Variants in NPSR1 observed in about 807,000 individuals in gnomAD.
NPSR1 encodes neuropeptide S receptor.
Under a neutral mutation model 46.9 loss-of-function variants are expected in NPSR1, and 48 were observed. The ratio of observed to expected loss-of-function variants is 1.02; its 90% CI spans 0.81 to 1.30. The LOEUF is 1.30. Among genes scored for constraint, NPSR1 ranks in the 50% most tolerant of loss-of-function variants. The pLI is 0.00. For missense variants in NPSR1, 450 were observed against 449.5 expected, an observed-to-expected ratio of 1.00 and a Z score of -0.01; for synonymous variants, 176 against 168.1, an observed-to-expected ratio of 1.05 and a Z score of -0.36.
chr7:34,703,339 C>T (rs1466422443), intron 2 of NPSR1, among the ~76,000 whole-genome samples: 2 of 152,104 alleles, frequency 1.3e-5, no homozygotes, highest in Non-Finnish European at 2.9e-5. Flanking sequence ...CCACTGCCCT[C>T]CAGCCTGGGT....
intron 2 of NPSR1, among the ~76,000 whole-genome samples, chr7:34,773,073 A>G (rs1178020109): frequency 6.6e-6 from 1 of 152,154 alleles, no homozygotes; most frequent in East Asian, 1.9e-4. Context: ...GAAGAAGTGC[A>G]AAGCCCGTTA....
intron 8 of NPSR1, among the ~76,000 whole-genome samples, chr7:34,872,066 A>C (rs530993291): frequency 4.6e-5 from 7 of 152,028 alleles, no homozygotes; most frequent in Non-Finnish European, 7.3e-5. Context: ...CCACCCTGCA[A>C]CAGGCTTCTG....
intron 8 of NPSR1, among the ~76,000 whole-genome samples, chr7:34,872,287 C>T (rs1015667522): frequency 4.6e-5 from 7 of 151,992 alleles, no homozygotes; most frequent in African/African-American, 1.7e-4. Context: ...TGTGGCAGCA[C>T]AGGGAAGCAA....
Position 34,658,308 on chromosome 7 carries a change from T to G in NPSR1, c.-105T>G, listed in dbSNP as rs1791277554. The G allele has an allele frequency of 5.4e-6, 7 of 1,301,882 alleles. No homozygotes were observed. Among genetic ancestry groups the G allele is most frequent in the Non-Finnish European group, 6.5e-6 (6 of 929,222 alleles). 80.6% of individuals were successfully genotyped at this position (1,301,882 alleles called of 1,614,324 possible). Reference sequence around the variant, plus strand: ...GTGGGCTCAGGGAGGGCTCTGTGCCTCCGTTCAGCAGAGCTGCAGCTGCTG... The same window carrying G: ...GTGGGCTCAGGGAGGGCTCTGTGCCGCCGTTCAGCAGAGCTGCAGCTGCTG... On this transcript the variant is annotated 5_prime_UTR_variant, in exon 1 of 9. Transcript: ENST00000360581.
Position 34,658,353 on chromosome 7 carries a change from G to C in NPSR1, c.-60G>C. On this transcript the variant is annotated 5_prime_UTR_variant, in exon 1 of 9. Transcript: ENST00000360581. ...CTGCTGCCCAGCTCTCAGGAGGCAA[G>C]CTGGACTCCCTCACTCAGCTGCAGG... is the stretch of plus-strand genomic sequence containing the variant. The C allele has an allele frequency of 6.3e-7, 1 of 1,594,362 alleles. No homozygotes were observed. The highest frequency in any genetic ancestry group is 8.6e-7 in the Non-Finnish European group (1 of 1,168,734).
intron 2 of NPSR1, among the ~76,000 whole-genome samples, chr7:34,733,208 T>A (rs1379206744): frequency 6.6e-6 from 1 of 152,012 alleles, no homozygotes; most frequent in Non-Finnish European, 1.5e-5. Flanking sequence ...GATCACGAGG[T>A]CAGGAGTTCA....
chr7:34,705,647 CATTT>C (rs1313528624), intron 2 of NPSR1, among the ~76,000 whole-genome samples: 12 of 151,436 alleles, frequency 7.9e-5, no homozygotes, highest in African/African-American at 2.7e-4. Context: ...TAAGTCTTTT[CATTT>C]ATTAGCTTTG....
At chr7:34,840,599 G>T (rs1384535290) in intron 6 of NPSR1, among the ~76,000 whole-genome samples, 2 of 152,208 alleles carry the variant, frequency 1.3e-5, no homozygotes, top group East Asian at 3.9e-4. Flanking sequence ...GAGAGGTGGA[G>T]CAGAAGAGCA....
exon 9 of NPSR1, chr7:34,878,273 A>G: frequency 1.4e-6 from 1 of 715,656 alleles, no homozygotes; most frequent in Non-Finnish European, 2.5e-6. Context: ...GGTTCCCAAA[A>G]TGGGTCACAG....
At chr7:34,870,580 C>T (rs1791427479) in intron 8 of NPSR1, among the ~76,000 whole-genome samples, 1 of 151,686 alleles carries the variant, frequency 6.6e-6, no homozygotes, top group South Asian at 2.1e-4. Context: ...AATGGTTGGA[C>T]TGGTGAATGT....
intron 5 of NPSR1, among the ~76,000 whole-genome samples, chr7:34,831,581 C>T (rs984919357): frequency 6.6e-6 from 1 of 152,054 alleles, no homozygotes; most frequent in African/African-American, 2.4e-5. Context: ...TTCCATCATC[C>T]ACTAAATCAG....
chr7:34,854,180 A>G (rs560725926), downstream of NPSR1, among the ~76,000 whole-genome samples: 2 of 152,312 alleles, frequency 1.3e-5, no homozygotes, highest in Non-Finnish European at 2.9e-5. Flanking sequence ...CTTTCAGAGT[A>G]AAAGAGAAGG....
intron 3 of NPSR1, among the ~76,000 whole-genome samples, chr7:34,788,230 C>G (rs1196335963): frequency 6.6e-6 from 1 of 151,704 alleles, no homozygotes; most frequent in African/African-American, 2.4e-5. Context: ...CTTTGTAAGT[C>G]TCAAGGTAAC....
chr7:34,725,494 A>G (rs768523835), intron 2 of NPSR1, among the ~76,000 whole-genome samples: 1 of 152,186 alleles, frequency 6.6e-6, no homozygotes, highest in Non-Finnish European at 1.5e-5. Flanking sequence ...TGCACACCTC[A>G]TAGACAGTTG....
At chr7:34,827,061 C>T (rs536097448) in intron 4 of NPSR1, among the ~76,000 whole-genome samples, 2 of 152,230 alleles carry the variant, frequency 1.3e-5, no homozygotes, top group East Asian at 1.9e-4. Flanking sequence ...GCATTTGCAC[C>T]GCAACTTACC....
chr7:34,743,751 A>G (rs1042680444), intron 2 of NPSR1, among the ~76,000 whole-genome samples: 4 of 152,128 alleles, frequency 2.6e-5, no homozygotes, highest in African/African-American at 4.8e-5. Context: ...TATAATTTTT[A>G]TTATGATTTC....
intron 4 of NPSR1, among the ~76,000 whole-genome samples, chr7:34,814,727 G>T (rs1017291961): frequency 6.6e-6 from 1 of 152,220 alleles, no homozygotes; most frequent in African/African-American, 2.4e-5. Flanking sequence ...TTGCTGTTCT[G>T]CAATATTTGC....
At chr7:34,823,416 ACAAC>A (rs1387877937) in intron 4 of NPSR1, among the ~76,000 whole-genome samples, 6 of 123,354 alleles carry the variant, frequency 4.9e-5, no homozygotes, top group African/African-American at 2.1e-4. Context: ...AAAAAAAAAA[ACAAC>A]ACCATAAATG....
chr7:34,833,448 A>T (rs1044236258), intron 5 of NPSR1, among the ~76,000 whole-genome samples: 1 of 152,216 alleles, frequency 6.6e-6, no homozygotes, highest in Non-Finnish European at 1.5e-5. Flanking sequence ...GGAGAAAGGA[A>T]ATTAGTCTCT....
Sources: gnomAD v4.1 joint callset for allele counts (sites outside exome capture counted in the v4.1 genomes callset) on GRCh38, gnomAD v4.1.1 for gene constraint, MANE v1.5 for transcripts, NCBI Gene and HGNC (gene_info 2026-07-23, HGNC 2026-07-21) for gene names.